The following PACRG variants were observed in gnomAD, a reference collection of about 807,000 sequenced individuals.
PACRG encodes parkin coregulated gene protein.
In PACRG, 29 loss-of-function variants were observed where a neutral mutation model predicts 29.7. The observed-to-expected ratio is 0.98, with a 90% CI of 0.73 to 1.33. The LOEUF (loss-of-function observed/expected upper bound fraction) is 1.33. PACRG is among the 40% of genes most tolerant of loss of function. The probability of loss-of-function intolerance (pLI) is 0.00; values close to 1 mark genes in which losing one functional copy is unlikely to be tolerated. For synonymous variants in PACRG, 116 were observed against 118.7 expected, an observed-to-expected ratio of 0.98 and a Z score of 0.15; for missense variants, 279 against 316.2, an observed-to-expected ratio of 0.88 and a Z score of 0.89.
intron 3 of PACRG, among the ~76,000 whole-genome samples, chr6:163,068,636 C>T (rs2763983): frequency 0.22 from 33,652 of 151,882 alleles, 4,552 homozygotes; most frequent in East Asian, 0.67. Flanking sequence ...ATCTATAATG[C>T]CTCCCAGTGG....
chr6:163,024,953 A>G (rs945901432), intron 2 of PACRG, among the ~76,000 whole-genome samples: 1 of 152,228 alleles, frequency 6.6e-6, no homozygotes, highest in African/African-American at 2.4e-5. Context: ...TTCAGCACAT[A>G]AATAGAATCA....
intron 1 of PACRG, among the ~76,000 whole-genome samples, chr6:162,733,477 G>T (rs1779927592): frequency 6.6e-6 from 1 of 152,022 alleles, no homozygotes; most frequent in Non-Finnish European, 1.5e-5. Flanking sequence ...ATTGTTATTT[G>T]TCTCTATTTT....
rs574271372 is a variant in PACRG, at chr6:163,018,075, T to A, written c.292-44075T>A. The stretch of plus-strand genomic sequence containing the variant: ...TTTATCCCTTTCTCTTAGAAAAATG[T>A]TAGCATTTTCTGCACACTTTTAGGA... On this transcript the variant is annotated intron_variant, in intron 2 of 4. Transcript: ENST00000366888. Among the ~76,000 whole-genome samples the A allele has an allele frequency of 3.3e-5, 5 of 152,278 alleles. No homozygotes were observed. The East Asian group carries it at 9.6e-4, about 29-fold the overall frequency.
intron 4 of PACRG, among the ~76,000 whole-genome samples, chr6:163,275,675 A>T (rs529580872): frequency 6.6e-6 from 1 of 152,246 alleles, no homozygotes; most frequent in South Asian, 2.1e-4. Flanking sequence ...CTCCCTTTTA[A>T]GTGACTTGGT....
chr6:163,086,600 T>C (rs1265651416), intron 3 of PACRG, among the ~76,000 whole-genome samples: 1 of 152,112 alleles, frequency 6.6e-6, no homozygotes, highest in Non-Finnish European at 1.5e-5. Context: ...TCTGAAGTGT[T>C]TTCATGCAAC....
At chr6:163,258,898 T>C (rs1049733569) in intron 4 of PACRG, among the ~76,000 whole-genome samples, 6 of 152,188 alleles carry the variant, frequency 3.9e-5, no homozygotes, top group Non-Finnish European at 8.8e-5. Flanking sequence ...TCAACATCAT[T>C]ATGATAAAAA....
chr6:162,957,703 A>C (rs1249613528), intron 2 of PACRG, among the ~76,000 whole-genome samples: 2 of 152,116 alleles, frequency 1.3e-5, no homozygotes, highest in African/African-American at 4.8e-5. Flanking sequence ...CATATAAAAA[A>C]GGATCATTTG....
intron 2 of PACRG, among the ~76,000 whole-genome samples, chr6:163,003,507 A>T (rs1459776392): frequency 2.6e-5 from 4 of 152,232 alleles, no homozygotes; most frequent in Non-Finnish European, 5.9e-5. Flanking sequence ...AGCAGGAGAT[A>T]AAAGGAGAAA....
intron 4 of PACRG, among the ~76,000 whole-genome samples, chr6:163,249,356 C>A (rs1317632910): frequency 6.6e-6 from 1 of 151,990 alleles, no homozygotes; most frequent in Non-Finnish European, 1.5e-5. Flanking sequence ...TAAAAAAAAA[C>A]ATGCCCATTA....
chr6:163,301,185 A>G (rs1026327152), intron 4 of PACRG, among the ~76,000 whole-genome samples: 1 of 152,242 alleles, frequency 6.6e-6, no homozygotes. Flanking sequence ...CCAGCAGTCT[A>G]GGGAATGGGC....
At chr6:162,847,399 G>A (rs1180558999) in intron 2 of PACRG, among the ~76,000 whole-genome samples, 1 of 151,970 alleles carries the variant, frequency 6.6e-6, no homozygotes, top group Non-Finnish European at 1.5e-5. Context: ...ATCTTTTAGT[G>A]TTTATTGTAA....
At chr6:163,291,365 CGCCA>C (rs1784602184) in intron 4 of PACRG, among the ~76,000 whole-genome samples, 14 of 143,352 alleles carry the variant, frequency 9.8e-5, no homozygotes, top group African/African-American at 2.2e-4. Context: ...CCCCTCTGCC[CGCCA>C]GAGCTGGCCT....
At position 162,845,342 on chromosome 6, in the gene PACRG, C is replaced by G. The variant is rs545763766; in HGVS notation, c.291+31061C>G. ...AAACCGTGAGCAAGAATCCCCCAGG[C>G]TTGCAAAATTCATTGCAGTGTGGCA... On this transcript the variant is annotated intron_variant, in intron 2 of 4. Coordinates refer to ENST00000366888, the MANE Select transcript of PACRG (RefSeq NM_001080379.2). Among the ~76,000 whole-genome samples, 16 of 151,926 alleles carry G rather than the reference C, an allele frequency of 1.1e-4. No individual in the cohort carries two copies. In the South Asian group the frequency reaches 3.3e-3, roughly 32 times the overall value.
At chr6:163,278,544 C>G (rs1393382880) in intron 4 of PACRG, among the ~76,000 whole-genome samples, 1 of 152,164 alleles carries the variant, frequency 6.6e-6, no homozygotes, top group Non-Finnish European at 1.5e-5. Context: ...CTTCATTCTT[C>G]TACATGTGGC....
chr6:162,874,151 A>AAATATATAT (rs67812561), intron 2 of PACRG, among the ~76,000 whole-genome samples: 77 of 136,292 alleles, frequency 5.6e-4, no homozygotes, highest in Non-Finnish European at 9.1e-4. Context: ...AAAAAAAAAA[A>AAATATATAT]ATATATATAT....
At chr6:162,918,060 T>G (rs972060577) in intron 2 of PACRG, among the ~76,000 whole-genome samples, 4 of 152,120 alleles carry the variant, frequency 2.6e-5, no homozygotes. Flanking sequence ...TGTTAGTAGA[T>G]TCTATATAGC....
intron 2 of PACRG, among the ~76,000 whole-genome samples, chr6:162,938,673 A>G (rs992830745): frequency 6.6e-6 from 1 of 151,906 alleles, no homozygotes; most frequent in African/African-American, 2.4e-5. Flanking sequence ...TTATTTTTTA[A>G]TTTTTTTGAT....
intron 4 of PACRG, among the ~76,000 whole-genome samples, chr6:163,181,913 C>G (rs1384684063): frequency 6.6e-6 from 1 of 152,136 alleles, no homozygotes; most frequent in African/African-American, 2.4e-5. Flanking sequence ...TCCACCACGC[C>G]CCCAGAATAC....
chr6:163,105,622 G>T (rs1815339092), intron 4 of PACRG, among the ~76,000 whole-genome samples: 1 of 152,012 alleles, frequency 6.6e-6, no homozygotes, highest in South Asian at 2.1e-4. Flanking sequence ...GCTCAACATT[G>T]GGTCATTGAA....
Sources: allele counts gnomAD v4.1 joint callset (sites outside exome capture counted in the v4.1 genomes callset), GRCh38; gene constraint gnomAD v4.1.1; transcripts MANE v1.5; gene names NCBI Gene and HGNC (gene_info 2026-07-23, HGNC 2026-07-21).